Variants in REEP5 observed in about 807,000 individuals in gnomAD.
REEP5 encodes the protein receptor accessory protein 5.
A neutral mutation model predicts 22.4 loss-of-function variants in REEP5; 24 were observed. The ratio of observed to expected loss-of-function variants is 1.07; its 90% CI spans 0.78 to 1.51. The LOEUF (loss-of-function observed/expected upper bound fraction) is 1.51. Ranked by LOEUF, REEP5 falls within the 40% of genes most tolerant of loss-of-function variation. The probability of loss-of-function intolerance (pLI) is 0.00; values close to 1 mark genes in which losing one functional copy is unlikely to be tolerated. For synonymous variants in REEP5, 103 were observed against 88.6 expected, an observed-to-expected ratio of 1.16 and a Z score of -0.92; for missense variants, 252 against 233.0, an observed-to-expected ratio of 1.08 and a Z score of -0.53.
chr5:112,904,885 T>C (rs937471303), intron 2 of REEP5, among the ~76,000 whole-genome samples: 4 of 152,134 alleles, frequency 2.6e-5, no homozygotes, highest in African/African-American at 9.7e-5. Flanking sequence ...CCCATGTTAA[T>C]ATACTAGAAC....
At chr5:112,893,218 T>C (rs1399366833) in intron 3 of REEP5, 1 of 367,970 alleles carries the variant, frequency 2.7e-6, no homozygotes, top group African/African-American at 2.1e-5. Flanking sequence ...GAGGCCAGCC[T>C]GGCCAACATG....
intron 4 of REEP5, 126 bp from the exon 5 acceptor site, chr5:112,878,961 A>T (rs1422871910): frequency 6.9e-7 from 1 of 1,453,340 alleles, no homozygotes; most frequent in Non-Finnish European, 9.5e-7. Context: ...TTCAGGTGCG[A>T]TCATGTTGGG....
At chr5:112,889,639 A>G (rs1768370788) in intron 3 of REEP5, among the ~76,000 whole-genome samples, 1 of 150,460 alleles carries the variant, frequency 6.6e-6, no homozygotes, top group Non-Finnish European at 1.5e-5. Flanking sequence ...GTAAGTCAGA[A>G]TTATATAGAC....
At chr5:112,902,559 T>C in intron 2 of REEP5, 41 bp from the exon 3 acceptor site, 2 of 1,519,518 alleles carry the variant, frequency 1.3e-6, no homozygotes, top group Non-Finnish European at 1.8e-6. Flanking sequence ...TTTGGTAAGA[T>C]ATCAATGAAA....
chr5:112,899,066 A>G lies in REEP5; in HGVS notation c.351+3314T>C, dbSNP rs977263069. On this transcript the variant is annotated intron_variant, in intron 3 of 4. Transcript: ENST00000379638. ...TTAACCATAAATGGTGTGATACTGT[A>G]TTTAATGTTCTATTACTTTTTTTCT... Among the ~76,000 whole-genome samples the G allele has an allele frequency of 1.4e-4, 21 of 152,060 alleles. 1 individual carries two copies. Among genetic ancestry groups the G allele is most frequent in the African/African-American group, 4.8e-4 (20 of 41,424 alleles).
At chr5:112,916,559 T>G (rs974900652) in intron 2 of REEP5, among the ~76,000 whole-genome samples, 4 of 152,240 alleles carry the variant, frequency 2.6e-5, no homozygotes, top group Non-Finnish European at 4.4e-5. Context: ...TGATTTGGGA[T>G]GACAGTACCT....
chr5:112,878,745 G>C lies in REEP5; in HGVS notation c.*41C>G, dbSNP rs780459726. 1 of 1,611,890 alleles carries C rather than the reference G, an allele frequency of 6.2e-7. No individual in the cohort carries two copies. The highest frequency in any genetic ancestry group is 1.1e-5 in the South Asian group (1 of 90,522). On this transcript the variant is annotated 3_prime_UTR_variant, in exon 5 of 5. Transcript: ENST00000379638. ...CCTAATATAACATCAAGCTCCAGTA[G>C]GAAGGTACAGAGAGGGCAGGAAGTT...
intron 4 of REEP5, among the ~76,000 whole-genome samples, chr5:112,883,805 C>T (rs904297888): frequency 6.6e-6 from 1 of 152,080 alleles, no homozygotes; most frequent in African/African-American, 2.4e-5. Context: ...CCCACCCCAA[C>T]AAAACCTGTT....
In REEP5 at chr5:112,878,946, T is replaced by A; in HGVS notation, c.521-111A>T. ...TACTAGATAACAAAACTTGGATGACTCATGTTCAGGTGCGATCATGTTGGG... is the reference window on the plus strand; with the variant it reads ...TACTAGATAACAAAACTTGGATGACACATGTTCAGGTGCGATCATGTTGGG... On this transcript the variant is annotated intron_variant, in intron 4 of 4. Coordinates refer to ENST00000379638, the MANE Select transcript of REEP5 (RefSeq NM_005669.5). The A allele has an allele frequency of 2.6e-6, 4 of 1,541,002 alleles. No individual in the cohort carries two copies. The South Asian group carries it at 3.5e-5, about 13-fold the overall frequency.
chr5:112,899,469 A>C (rs541655465), intron 3 of REEP5, among the ~76,000 whole-genome samples: 1 of 152,218 alleles, frequency 6.6e-6, no homozygotes, highest in East Asian at 1.9e-4. Flanking sequence ...TAATTACTAA[A>C]TTATGCAAAA....
In REEP5 at chr5:112,877,753, A is replaced by C. The variant is rs1268248173; in HGVS notation, c.*1033T>G. 2 of 152,198 alleles carry C rather than the reference A, an allele frequency of 1.3e-5. No homozygotes were observed. Among genetic ancestry groups the C allele is most frequent in the Admixed American group, 1.3e-4 (2 of 15,266 alleles). 9.4% of individuals were successfully genotyped at this position (152,198 alleles called of 1,614,324 possible). On this transcript the variant is annotated 3_prime_UTR_variant, in exon 5 of 5. Coordinates refer to ENST00000379638, the MANE Select transcript of REEP5 (RefSeq NM_005669.5). ...TTAGCATGTTGTTGCTAATGATACA[A>C]ACAAGAACATACATGTAATCAGAGG... is the stretch of plus-strand genomic sequence containing the variant.
chr5:112,887,046 G>C lies in REEP5; in HGVS notation c.489C>G (p.Ala163=). 2 of 1,612,556 alleles carry C rather than the reference G, an allele frequency of 1.2e-6. No homozygotes were observed. Among genetic ancestry groups the C allele is most frequent in the Non-Finnish European group, 8.5e-7 (1 of 1,178,968 alleles). ...TAGTGATGGCATCTGCAGTCTCTTT[G>C]GCCTTGTCTTTAAGGTCCTTGACCA... ...DSVVKDLKDK[A]KETADAITKE... is the part of the protein sequence containing the mutation. Residue 163 remains alanine (A), a synonymous_variant, in exon 4 of 5, where the codon GCC becomes GCG. Transcript: ENST00000379638.
intron 2 of REEP5, among the ~76,000 whole-genome samples, chr5:112,909,985 C>G (rs1769057535): frequency 6.6e-6 from 1 of 152,100 alleles, no homozygotes. Context: ...AATGATGTGT[C>G]AATGTATGTT....
At chr5:112,913,639 G>A (rs773074256) in intron 2 of REEP5, among the ~76,000 whole-genome samples, 2 of 151,502 alleles carry the variant, frequency 1.3e-5, no homozygotes, top group African/African-American at 2.4e-5. Context: ...AAATCTTTTG[G>A]TGTTTAATTA....
At chr5:112,907,470 T>C (rs1447816657) in intron 2 of REEP5, among the ~76,000 whole-genome samples, 3 of 152,174 alleles carry the variant, frequency 2.0e-5, no homozygotes, top group Admixed American at 1.3e-4. Context: ...TGGGGCAGCA[T>C]TTTGCTTCCC....
At chr5:112,921,579 C>G in intron 1 of REEP5, 1 of 394,718 alleles carries the variant, frequency 2.5e-6, no homozygotes, top group Non-Finnish European at 4.7e-6. Context: ...CTGGGCAGCG[C>G]TCCAGCCTGG....
intron 3 of REEP5, chr5:112,892,220 GTAAACA>G: frequency 6.2e-7 from 1 of 1,614,104 alleles, no homozygotes; most frequent in Non-Finnish European, 8.5e-7. Context: ...AGATGTTCAC[GTAAACA>G]TAATTTCCCA....
intron 3 of REEP5, chr5:112,892,658 CCAA>C: frequency 6.2e-7 from 1 of 1,613,898 alleles, no homozygotes; most frequent in South Asian, 1.1e-5. Flanking sequence ...TTCAGAAATC[CCAA>C]CAATGAATTC....
chr5:112,884,769 C>G (rs1350775645), intron 4 of REEP5, among the ~76,000 whole-genome samples: 2 of 115,408 alleles, frequency 1.7e-5, no homozygotes, highest in East Asian at 4.5e-4. Flanking sequence ...AACCATCCCT[C>G]CAGTCCTTGG....
Sources: allele counts gnomAD v4.1 joint callset (sites outside exome capture counted in the v4.1 genomes callset), GRCh38; gene constraint gnomAD v4.1.1; transcripts MANE v1.5; gene names NCBI Gene and HGNC (gene_info 2026-07-23, HGNC 2026-07-21).